The following DNAJC6 variants were observed in gnomAD, a reference collection of about 807,000 sequenced individuals.
The protein encoded by DNAJC6 is DnaJ heat shock protein family (Hsp40) member C6.
In DNAJC6, 34 loss-of-function variants were observed where a neutral mutation model predicts 110.0. The observed-to-expected ratio is 0.31, with a 90% CI of 0.24 to 0.41. The LOEUF is 0.41. Ranked by LOEUF, DNAJC6 falls within the 10% of genes least tolerant of loss-of-function variation. The pLI is 1.00. For missense variants in DNAJC6, 1,031 were observed against 1,207.8 expected (o/e 0.85, Z 2.17); for synonymous variants, 406 against 437.2 (o/e 0.93, Z 0.89).
intron 1 of DNAJC6, among the ~76,000 whole-genome samples, chr1:65,342,361 C>T (rs915547977): frequency 6.6e-6 from 1 of 152,082 alleles, no homozygotes. Flanking sequence ...GCAGAGCCAT[C>T]GTGAACGAGA....
At chr1:65,410,345 C>T (rs1358974701) in intron 17 of DNAJC6, among the ~76,000 whole-genome samples, 2 of 152,136 alleles carry the variant, frequency 1.3e-5, no homozygotes, top group Admixed American at 1.3e-4. Flanking sequence ...AATGTAGGGT[C>T]TTTCATTTGC....
intron 1 of DNAJC6, among the ~76,000 whole-genome samples, chr1:65,297,056 C>T (rs1391533033): frequency 2.0e-5 from 3 of 152,146 alleles, no homozygotes; most frequent in Non-Finnish European, 2.9e-5. Context: ...GTAGACTGTT[C>T]TATGGGACCT....
intron 1 of DNAJC6, among the ~76,000 whole-genome samples, chr1:65,317,847 T>C (rs566630215): frequency 1.3e-5 from 2 of 152,338 alleles, no homozygotes. Flanking sequence ...GGAGCCATAA[T>C]TTTAACCAGG....
At chr1:65,386,768 A>G in intron 7 of DNAJC6, 44 bp from the exon 8 acceptor site, 1 of 1,501,260 alleles carries the variant, frequency 6.7e-7, no homozygotes. Flanking sequence ...TGATTGTACC[A>G]GATTGGACTC....
At position 65,413,477 on chromosome 1, in the gene DNAJC6, G is replaced by C. The variant is rs1038051261; in HGVS notation, c.*452G>C. 6.5e-5 allele frequency: 10 copies of C among 153,408 alleles called. No individual in the cohort carries two copies. The highest frequency in any genetic ancestry group is 6.5e-4 in the Admixed American group (10 of 15,412). 9.5% of individuals were successfully genotyped at this position (153,408 alleles called of 1,614,324 possible). A position where few individuals can be genotyped will look rare whatever the true frequency, so the allele number is the denominator to read the frequency against. ...ATAATTTGAGCAGTGGCTTTATGCA[G>C]ACTCCAAGAACAAAACCACCAGGTA... On this transcript the variant is annotated 3_prime_UTR_variant, in exon 19 of 19. Coordinates refer to ENST00000371069, the MANE Select transcript of DNAJC6 (RefSeq NM_001256864.2).
chr1:65,345,288 C>T (rs1384853149), intron 1 of DNAJC6, among the ~76,000 whole-genome samples: 6 of 151,110 alleles, frequency 4.0e-5, no homozygotes, highest in Non-Finnish European at 8.8e-5. Context: ...TTAGGATCTC[C>T]TCCACTTTCC....
At position 65,276,254 on chromosome 1, in the gene DNAJC6, T is replaced by C. The variant is rs191287069; in HGVS notation, c.-131+11322T>C. Among the ~76,000 whole-genome samples the C allele has an allele frequency of 2.4e-3, 362 of 152,360 alleles. 3 individuals are homozygous for C. The highest frequency in any genetic ancestry group is 8.2e-3 in the African/African-American group (341 of 41,586). ...TTCTCAAATACATACATCACAGTCA[T>C]CTTAAAAAACTTTGCTCAGTAACTT... On this transcript the variant is annotated intron_variant, in intron 1 of 19. Coordinates refer to the DNAJC6 transcript ENST00000263441.
chr1:65,406,516 C>G (rs1646078095), intron 16 of DNAJC6, among the ~76,000 whole-genome samples: 1 of 152,146 alleles, frequency 6.6e-6, no homozygotes, highest in South Asian at 2.1e-4. Context: ...GTAGATGGAT[C>G]TTAAAGCTGT....
At chr1:65,331,194 A>C (rs1041070390) in intron 1 of DNAJC6, among the ~76,000 whole-genome samples, 1 of 152,314 alleles carries the variant, frequency 6.6e-6, no homozygotes, top group South Asian at 2.1e-4. Context: ...AGCTCCAGGG[A>C]AACAAGTCCT....
chr1:65,330,116 G>A (rs74080531), intron 1 of DNAJC6, among the ~76,000 whole-genome samples: 9,508 of 152,054 alleles, frequency 0.063, 344 homozygotes, highest in Non-Finnish European at 0.079. Context: ...TCTCTTTCTA[G>A]CTCTTTCAGT....
intron 4 of DNAJC6, among the ~76,000 whole-genome samples, chr1:65,375,529 C>T (rs181917225): frequency 6.6e-6 from 1 of 151,940 alleles, no homozygotes; most frequent in African/African-American, 2.4e-5. Flanking sequence ...GGGTTCACGC[C>T]ATTCTTCTGC....
chr1:65,302,442 A>C (rs981886556), intron 1 of DNAJC6, among the ~76,000 whole-genome samples: 3 of 147,680 alleles, frequency 2.0e-5, no homozygotes, highest in African/African-American at 7.4e-5. Context: ...TCATGAATGG[A>C]TTAATGCCAT....
chr1:65,389,581 C>G lies in DNAJC6; in HGVS notation c.1422C>G (p.Pro474=). ...QAPIDIPPDN[P]RHYGQSGFFA... is the part of the protein sequence containing the mutation. ...CAATAGATATCCCTCCAGACAACCC[C>G]AGGCATTACGGACAAAGTGGTTTCT... The change falls in exon 11 of 19, where the codon CCC becomes CCG. Residue 474 remains proline (P), a synonymous_variant. Transcript: ENST00000371069. 6.2e-7 allele frequency: 1 copy of G among 1,614,194 alleles called. No homozygotes were observed. The highest frequency in any genetic ancestry group is 8.5e-7 in the Non-Finnish European group (1 of 1,180,018).
chr1:65,336,030 A>G (rs1424586971), intron 1 of DNAJC6, among the ~76,000 whole-genome samples: 1 of 152,180 alleles, frequency 6.6e-6, no homozygotes, highest in Non-Finnish European at 1.5e-5. Context: ...GGTAATATAA[A>G]AATATTATAT....
At chr1:65,386,784 C>G (rs1289979548) in intron 7 of DNAJC6, 28 bp from the exon 8 acceptor site, 1 of 1,571,114 alleles carries the variant, frequency 6.4e-7, no homozygotes, top group Non-Finnish European at 8.8e-7. Flanking sequence ...GACTCTCTTT[C>G]AATGTATATT....
chr1:65,387,712 T>C (rs890135469), intron 8 of DNAJC6, among the ~76,000 whole-genome samples: 2 of 152,244 alleles, frequency 1.3e-5, no homozygotes, highest in African/African-American at 2.4e-5. Context: ...TAATCATCAG[T>C]TGGTGAACAT....
intron 14 of DNAJC6, among the ~76,000 whole-genome samples, chr1:65,399,865 T>C (rs1000612112): frequency 6.6e-6 from 1 of 152,142 alleles, no homozygotes; most frequent in Admixed American, 6.6e-5. Flanking sequence ...TGTGACAGGA[T>C]TTCCTTCTGT....
At chr1:65,340,992 G>GGAAC (rs1645384317) in intron 1 of DNAJC6, among the ~76,000 whole-genome samples, 1 of 152,070 alleles carries the variant, frequency 6.6e-6, no homozygotes, top group African/African-American at 2.4e-5. Flanking sequence ...TTTAACCTTG[G>GGAAC]GAACCTCTTG....
intron 6 of DNAJC6, among the ~76,000 whole-genome samples, chr1:65,384,811 C>A (rs1478007156): frequency 1.3e-5 from 2 of 152,134 alleles, no homozygotes; most frequent in East Asian, 3.8e-4. Flanking sequence ...CTGACATTAT[C>A]CTGAACTATG....
Sources: allele counts gnomAD v4.1 joint callset (sites outside exome capture counted in the v4.1 genomes callset), GRCh38; gene constraint gnomAD v4.1.1; transcripts MANE v1.5; gene names NCBI Gene and HGNC (gene_info 2026-07-23, HGNC 2026-07-21).